The following CSMD3 variants were observed in gnomAD, a reference collection of about 807,000 sequenced individuals.
The protein encoded by CSMD3 is CUB and Sushi multiple domains 3.
In CSMD3, 177 loss-of-function variants were observed where a neutral mutation model predicts 435.2. The ratio of observed to expected loss-of-function variants is 0.41; its 90% CI spans 0.36 to 0.46. The LOEUF (loss-of-function observed/expected upper bound fraction) is 0.46. Ranked by LOEUF, CSMD3 falls within the 20% of genes least tolerant of loss-of-function variation. The probability of loss-of-function intolerance (pLI) is 0.34; values close to 1 mark genes in which losing one functional copy is unlikely to be tolerated. For missense variants in CSMD3, 4,265 were observed against 4,504.6 expected (o/e 0.95, Z 1.52); for synonymous variants, 1,656 against 1,520.5 (o/e 1.09, Z -2.07).
rs1820193176 is a variant in CSMD3, at chr8:112,295,724, T to C, written c.8614+109A>G. 6 of 936,112 alleles carry C rather than the reference T, an allele frequency of 6.4e-6. No homozygotes were observed. In the South Asian group the frequency reaches 9.2e-5, roughly 14 times the overall value. The allele number at this position is 936,112 out of a possible 1,614,324, so 58.0% of individuals were successfully genotyped here. On this transcript the variant is annotated intron_variant, in intron 54 of 70. Coordinates refer to ENST00000297405, the MANE Select transcript of CSMD3 (RefSeq NM_198123.2). ...TCAAATTGGATTGTGGAAATTTACT[T>C]TATATTGATATATATAACAACATAA...
chr8:112,480,776 T>G (rs535208579), intron 31 of CSMD3, among the ~76,000 whole-genome samples: 1 of 152,282 alleles, frequency 6.6e-6, no homozygotes, highest in African/African-American at 2.4e-5. Flanking sequence ...TTAAACCTCT[T>G]TTCTTCCTAA....
At chr8:113,123,105 T>C (rs1026872153) in intron 4 of CSMD3, among the ~76,000 whole-genome samples, 5 of 152,078 alleles carry the variant, frequency 3.3e-5, no homozygotes, top group Admixed American at 2.0e-4. Flanking sequence ...CAGTTAACTA[T>C]TGTATGATTG....
Position 113,019,101 on chromosome 8 carries a change from A to T in CSMD3, c.996T>A (p.Asn332Lys), listed in dbSNP as rs2131170474. ...GAGCACTAAATCCACGGTATCGATG[A>T]TTGCTGTCTGTAACAAAATGCAGTC... is the stretch of plus-strand genomic sequence containing the variant. ...WLRLHFVTDS[N>K]HRYRGFSAPY... The change falls in exon 6 of 71, where the codon AAT becomes AAA. Residue 332 changes from asparagine to lysine, a missense_variant. Physicochemically the swap from Asn to Lys is moderately conservative, Grantham distance 94. Coordinates refer to ENST00000297405, the MANE Select transcript of CSMD3 (RefSeq NM_198123.2). 6.2e-7 allele frequency: 1 copy of T among 1,613,316 alleles called. No homozygotes were observed. Among genetic ancestry groups the T allele is most frequent in the Non-Finnish European group, 8.5e-7 (1 of 1,179,270 alleles).
chr8:113,213,893 A>G (rs2092869558), intron 3 of CSMD3, among the ~76,000 whole-genome samples: 1 of 152,002 alleles, frequency 6.6e-6, no homozygotes, highest in Non-Finnish European at 1.5e-5. Context: ...TACAATATGG[A>G]TGTCATATAT....
intron 16 of CSMD3, among the ~76,000 whole-genome samples, chr8:112,674,247 C>T (rs992120020): frequency 2.0e-5 from 3 of 152,058 alleles, no homozygotes; most frequent in African/African-American, 2.4e-5. Flanking sequence ...ATATCTTGTC[C>T]TCTTCCTTTT....
chr8:112,224,408 A>G lies in CSMD3; in HGVS notation c.*363T>C, dbSNP rs148862906. 11 of 306,042 alleles carry G rather than the reference A, an allele frequency of 3.6e-5. No individual in the cohort carries two copies. Among genetic ancestry groups the G allele is most frequent in the Middle Eastern group, 1.2e-3 (1 of 846 alleles). The allele number at this position is 306,042 out of a possible 1,614,324, so 19.0% of individuals were successfully genotyped here. ...TAAGTATAGCTCTTATTTCTACCCT[A>G]TATCTTTTTTTTTAAACCCAGTCCC... On this transcript the variant is annotated 3_prime_UTR_variant, in exon 71 of 71. Coordinates refer to ENST00000297405, the MANE Select transcript of CSMD3 (RefSeq NM_198123.2).
At chr8:112,596,966 C>T (rs1442452698) in intron 22 of CSMD3, among the ~76,000 whole-genome samples, 1 of 151,914 alleles carries the variant, frequency 6.6e-6, no homozygotes, top group Non-Finnish European at 1.5e-5. Flanking sequence ...ACTAGAAAAG[C>T]AAGAGCAAAC....
chr8:112,796,177 A>G (rs1401954122), intron 13 of CSMD3, among the ~76,000 whole-genome samples: 1 of 152,136 alleles, frequency 6.6e-6, no homozygotes, highest in Non-Finnish European at 1.5e-5. Context: ...AAAATCACTT[A>G]GGATATAATA....
intron 10 of CSMD3, among the ~76,000 whole-genome samples, chr8:112,897,544 AG>A (rs150224605): frequency 0.033 from 5,057 of 151,448 alleles, 107 homozygotes; most frequent in Non-Finnish European, 0.042. Flanking sequence ...TAAAGAACTC[AG>A]AAAACTGGGC....
At chr8:112,360,738 A>G (rs57150366) in intron 38 of CSMD3, among the ~76,000 whole-genome samples, 5,762 of 151,954 alleles carry the variant, frequency 0.038, 358 homozygotes, top group African/African-American at 0.13. Flanking sequence ...ATTCCCTTCA[A>G]TTTTTCTAGA....
At chr8:112,559,232 C>A (rs1417613591) in intron 24 of CSMD3, among the ~76,000 whole-genome samples, 1 of 151,766 alleles carries the variant, frequency 6.6e-6, no homozygotes, top group Non-Finnish European at 1.5e-5. Context: ...AAGAATGAGG[C>A]CCAGAAATTT....
At chr8:112,934,213 A>G (rs1186894714) in intron 9 of CSMD3, among the ~76,000 whole-genome samples, 2 of 152,084 alleles carry the variant, frequency 1.3e-5, no homozygotes, top group Non-Finnish European at 1.5e-5. Context: ...GTTTTCCTGG[A>G]CTCTGACAGT....
intron 1 of CSMD3, among the ~76,000 whole-genome samples, chr8:113,433,354 G>A (rs1354964798): frequency 6.6e-6 from 1 of 152,144 alleles, no homozygotes; most frequent in East Asian, 1.9e-4. Flanking sequence ...GGACACACGC[G>A]GGGCTGAAAG....
rs1030960272 is a variant in CSMD3 at position 113,302,275 on chromosome 8, T to G, written c.401+12296A>C. ...TATTATATAAAATATATATAATATA[T>G]AATTATAATATATAATATAATATAA... is the stretch of plus-strand genomic sequence containing the variant. On this transcript the variant is annotated intron_variant, in intron 2 of 70. Transcript: ENST00000297405. Among the ~76,000 whole-genome samples, 5 of 38,244 alleles carry G rather than the reference T, an allele frequency of 1.3e-4. No homozygotes were observed. In the East Asian group the frequency reaches 3.8e-3, roughly 29 times the overall value. The allele number at this position is 38,244 out of a possible 152,430, so 25.1% of individuals were successfully genotyped here. A position where few individuals can be genotyped will look rare whatever the true frequency, so the allele number is the denominator to read the frequency against.
At chr8:112,325,899 G>A (rs1013178011) in intron 45 of CSMD3, among the ~76,000 whole-genome samples, 3 of 152,036 alleles carry the variant, frequency 2.0e-5, no homozygotes, top group Non-Finnish European at 4.4e-5. Context: ...GGGCAGTTAT[G>A]AGAATCAAAT....
intron 17 of CSMD3, among the ~76,000 whole-genome samples, chr8:112,664,972 A>G (rs1169791263): frequency 6.6e-6 from 1 of 152,170 alleles, no homozygotes; most frequent in Non-Finnish European, 1.5e-5. Flanking sequence ...AACCATGTAG[A>G]TTATAACAAG....
chr8:112,632,261 C>T (rs2074535659), intron 22 of CSMD3, among the ~76,000 whole-genome samples: 1 of 151,970 alleles, frequency 6.6e-6, no homozygotes, highest in South Asian at 2.1e-4. Context: ...AAATAAATAA[C>T]TATCATCATA....
At chr8:112,899,313 T>C (rs1356080686) in intron 10 of CSMD3, among the ~76,000 whole-genome samples, 2 of 150,770 alleles carry the variant, frequency 1.3e-5, no homozygotes, top group Admixed American at 1.3e-4. Flanking sequence ...TCTACCCTTA[T>C]AGAAATCTAA....
At chr8:112,488,477 A>G (rs1008795479) in intron 31 of CSMD3, among the ~76,000 whole-genome samples, 2 of 152,192 alleles carry the variant, frequency 1.3e-5, no homozygotes, top group Admixed American at 6.5e-5. Flanking sequence ...AAAAAAATAA[A>G]GAATAAACAA....
Sources: allele counts gnomAD v4.1 joint callset (sites outside exome capture counted in the v4.1 genomes callset), GRCh38; gene constraint gnomAD v4.1.1; transcripts MANE v1.5; gene names NCBI Gene and HGNC (gene_info 2026-07-23, HGNC 2026-07-21).